Variants in CATSPERE observed in about 807,000 individuals in gnomAD.
The protein encoded by CATSPERE is catsper channel auxiliary subunit epsilon.
Under a neutral mutation model 114.1 loss-of-function variants are expected in CATSPERE, and 93 were observed. That is an observed-to-expected ratio of 0.81 (90% CI 0.69 to 0.97). The LOEUF is 0.97. Among genes scored for constraint, CATSPERE ranks in the 50% least tolerant of loss-of-function variants. The probability of loss-of-function intolerance (pLI) is 0.00; values close to 1 mark genes in which losing one functional copy is unlikely to be tolerated. For synonymous variants in CATSPERE, 341 were observed against 384.1 expected (o/e 0.89, Z 1.31); for missense variants, 1,058 against 1,131.6 (o/e 0.93, Z 0.93).
intron 17 of CATSPERE, among the ~76,000 whole-genome samples, chr1:244,601,075 AAGT>A (rs1188328796): frequency 6.6e-6 from 1 of 152,210 alleles, no homozygotes; most frequent in Non-Finnish European, 1.5e-5. Flanking sequence ...TATGAAAAGA[AAGT>A]AGGCATATTT....
intron 19 of CATSPERE, among the ~76,000 whole-genome samples, chr1:244,613,485 G>A (rs769792724): frequency 5.9e-5 from 9 of 152,120 alleles, no homozygotes; most frequent in Non-Finnish European, 1.2e-4. Context: ...AAGAGTTTTA[G>A]GGATGCCACT....
Position 244,610,324 on chromosome 1 carries a change from G to A in CATSPERE, c.2488G>A (p.Glu830Lys). Reference sequence around the variant, plus strand: ...CCCACTAGAAGAAGTCTGGGGACCTGAGGTAAGAGAAACATTACCTTCCAG... The same window carrying A: ...CCCACTAGAAGAAGTCTGGGGACCTAAGGTAAGAGAAACATTACCTTCCAG... ...HLPLEEVWGP[E>K]NYKHCFSYAI... Residue 830 changes from glutamate to lysine, a missense_variant and splice_region_variant, in exon 19 of 22, where the codon GAG becomes AAG. By Grantham distance (56) the Glu-to-Lys change is moderately conservative (BLOSUM62 1). Transcript: ENST00000366534. 1 of 1,602,504 alleles carries A rather than the reference G, an allele frequency of 6.2e-7. No homozygotes were observed. The highest frequency in any genetic ancestry group is 1.1e-5 in the South Asian group (1 of 90,590).
chr1:244,553,549 C>G (rs1255282786), intron 9 of CATSPERE, among the ~76,000 whole-genome samples: 4 of 142,456 alleles, frequency 2.8e-5, no homozygotes, highest in African/African-American at 1.1e-4. Context: ...CCACTGCACT[C>G]CAGCCTGGGC....
intron 20 of CATSPERE, among the ~76,000 whole-genome samples, chr1:244,624,339 T>C (rs1257836078): frequency 1.3e-5 from 2 of 152,164 alleles, no homozygotes; most frequent in Admixed American, 1.3e-4. Context: ...GATTTCAATG[T>C]AGCATGCGAT....
intron 17 of CATSPERE, among the ~76,000 whole-genome samples, chr1:244,596,344 C>G (rs2148656540): frequency 6.6e-6 from 1 of 152,290 alleles, no homozygotes; most frequent in East Asian, 1.9e-4. Flanking sequence ...ATGAGTGCTA[C>G]TCTGCCTATG....
At chr1:244,634,188 T>C (rs12136522) in intron 20 of CATSPERE, among the ~76,000 whole-genome samples, 6,503 of 152,206 alleles carry the variant, frequency 0.043, 163 homozygotes, top group Admixed American at 0.066. Context: ...TAGTATCTTG[T>C]ATTGTTGTTT....
upstream of CATSPERE, among the ~76,000 whole-genome samples, chr1:244,460,574 C>T (rs12082691): frequency 0.016 from 2,512 of 152,346 alleles, 74 homozygotes; most frequent in African/African-American, 0.058. Flanking sequence ...TAATAAAACT[C>T]CAGTCTCCTG....
intron 12 of CATSPERE, among the ~76,000 whole-genome samples, chr1:244,582,961 ATATATATATATATAT>A (rs1666448096): frequency 5.6e-4 from 2 of 3,556 alleles, no homozygotes; most frequent in African/African-American, 9.6e-4. Flanking sequence ...ATATATATAT[ATATATATATATATAT>A]AAATCAGTGA....
At chr1:244,639,833 A>C in intron 21 of CATSPERE, 95 bp from the exon 22 acceptor site, 1 of 1,135,142 alleles carries the variant, frequency 8.8e-7, no homozygotes, top group South Asian at 1.4e-5. Flanking sequence ...TGTCAATGGC[A>C]TAGTAGCTAG....
intron 8 of CATSPERE, among the ~76,000 whole-genome samples, chr1:244,528,138 A>G (rs1020969815): frequency 3.9e-5 from 6 of 152,096 alleles, no homozygotes; most frequent in African/African-American, 1.2e-4. Context: ...GGTTCCCTGC[A>G]TATGTTGTTC....
chr1:244,561,240 C>T (rs1202840590), intron 10 of CATSPERE, 95 bp downstream of exon 10: 6 of 924,364 alleles, frequency 6.5e-6, no homozygotes, highest in African/African-American at 3.3e-5. Flanking sequence ...CAATGTGTGG[C>T]GTTTTTGGCA....
intron 20 of CATSPERE, among the ~76,000 whole-genome samples, chr1:244,619,859 C>T (rs1000228259): frequency 6.6e-6 from 1 of 152,096 alleles, no homozygotes; most frequent in Non-Finnish European, 1.5e-5. Flanking sequence ...ATGCACCCAA[C>T]AAAAAGCCAG....
At chr1:244,597,279 C>T (rs1668566482) in intron 17 of CATSPERE, among the ~76,000 whole-genome samples, 1 of 152,182 alleles carries the variant, frequency 6.6e-6, no homozygotes, top group Admixed American at 6.5e-5. Context: ...CCCAAATCGC[C>T]CTCAGCCTGG....
In CATSPERE at chr1:244,552,330, G is replaced by C; in HGVS notation, c.545G>C (p.Arg182Pro). The change falls in exon 9 of 22, where the codon CGT becomes CCT. Residue 182 changes from arginine to proline, a missense_variant. Physicochemically the swap from Arg to Pro is moderately radical, Grantham distance 103 (BLOSUM62 -2). This residue lies in a region of CATSPERE where 271 missense variants were observed against 225.9 expected (regional missense o/e 1.20). Coordinates refer to ENST00000366534, the MANE Select transcript of CATSPERE (RefSeq NM_001130957.2). ...SNEKMRRGTWRIVVPMTKDDA... is the reference protein window; with the variant it reads ...SNEKMRRGTWPIVVPMTKDDA... ...TTTCTTTCTCTTCTTAGGACCTGGC[G>C]TATTGTAGTACCAATGACAAAAGAT... The C allele has an allele frequency of 6.2e-7, 1 of 1,607,198 alleles. No individual in the cohort carries two copies.
intron 7 of CATSPERE, among the ~76,000 whole-genome samples, chr1:244,510,835 C>CTTTTTTTT (rs747921082): frequency 3.1e-4 from 15 of 48,322 alleles, no homozygotes; most frequent in Non-Finnish European, 4.0e-4. Flanking sequence ...TTTTCTTTTT[C>CTTTTTTTT]TTTTTTTTTT....
At position 244,560,983 on chromosome 1, in the gene CATSPERE, C is replaced by G. The variant is rs1255863200; in HGVS notation, c.1345C>G (p.His449Asp). The G allele has an allele frequency of 6.2e-7, 1 of 1,613,950 alleles. No individual in the cohort carries two copies. Among genetic ancestry groups the G allele is most frequent in the Non-Finnish European group, 8.5e-7 (1 of 1,179,972 alleles). Reference sequence around the variant, plus strand: ...CCCTATTGACAGTGTTACCATGCCACATTTTACATTTTCAGCACTGCCAGG... The same window carrying G: ...CCCTATTGACAGTGTTACCATGCCAGATTTTACATTTTCAGCACTGCCAGG... ...DAPIDSVTMP[H>D]FTFSALPGLL... is the part of the protein sequence containing the mutation. The change falls in exon 10 of 22, where the codon CAT (histidine) becomes GAT (aspartate). Residue 449 changes from histidine to aspartate, a missense_variant. By Grantham distance (81) the His-to-Asp change is moderately conservative. This residue lies in a region of CATSPERE where 787 missense variants were observed against 905.6 expected (regional missense o/e 0.87). Transcript: ENST00000366534.
chr1:244,515,765 T>C (rs1173293758), intron 7 of CATSPERE, among the ~76,000 whole-genome samples: 1 of 152,196 alleles, frequency 6.6e-6, no homozygotes, highest in East Asian at 1.9e-4. Context: ...TTTAACAACA[T>C]GTACAGCCAT....
intron 5 of CATSPERE, among the ~76,000 whole-genome samples, chr1:244,481,985 G>T (rs1186141668): frequency 6.6e-6 from 1 of 152,198 alleles, no homozygotes; most frequent in East Asian, 1.9e-4. Flanking sequence ...AGCTAGGGCT[G>T]AAAGAAGTGG....
rs115564980 is a variant in CATSPERE at position 244,596,655 on chromosome 1, G to T, written c.2303+3077G>T. Among the ~76,000 whole-genome samples the T allele has an allele frequency of 2.6e-5, 4 of 151,954 alleles. No homozygotes were observed. The South Asian group carries it at 8.3e-4, about 31-fold the overall frequency. The stretch of plus-strand genomic sequence containing the variant: ...GAGAGGATTAGGACAAATACCTCAC[G>T]CATGCGGGGCTTAAAACCTAGATGA... On this transcript the variant is annotated intron_variant, in intron 17 of 21. Coordinates refer to ENST00000366534, the MANE Select transcript of CATSPERE (RefSeq NM_001130957.2).
Sources: gnomAD v4.1 joint callset for allele counts (sites outside exome capture counted in the v4.1 genomes callset) on GRCh38, gnomAD v4.1.1 for gene constraint, gnomAD v4.1.1 regional missense constraint, MANE v1.5 for transcripts, NCBI Gene and HGNC (gene_info 2026-07-23, HGNC 2026-07-21) for gene names.